CACNA1A: variants seen among roughly 807,000 people sequenced by gnomAD.
The protein encoded by CACNA1A is calcium voltage-gated channel subunit alpha1 A.
CACNA1A carries 57 observed loss-of-function variants against 262.4 expected under a neutral mutation model. The ratio of observed to expected loss-of-function variants is 0.22; its 90% confidence interval spans 0.18 to 0.27. The LOEUF (loss-of-function observed/expected upper bound fraction) is 0.27. Ranked by LOEUF, CACNA1A falls within the 10% of genes least tolerant of loss-of-function variation. The pLI is 1.00. For missense variants in CACNA1A, 2,526 were observed against 3,562.8 expected (o/e 0.71, Z 7.41); for synonymous variants, 1,431 against 1,419.3 (o/e 1.01, Z -0.18).
At chr19:13,504,752 C>A (rs1048724200) in intron 1 of CACNA1A, among the ~76,000 whole-genome samples, 2 of 152,138 alleles carry the variant, frequency 1.3e-5, no homozygotes, top group Admixed American at 1.3e-4. Context: ...CAGGGTGTGT[C>A]CCCCCTCCTG....
intron 6 of CACNA1A, among the ~76,000 whole-genome samples, chr19:13,339,384 G>A (rs764306180): frequency 6.6e-6 from 1 of 152,144 alleles, no homozygotes; most frequent in Admixed American, 6.5e-5. Context: ...AGGGGGAACA[G>A]GGAGTTCGCG....
rs1168120642 is a variant in CACNA1A, at chr19:13,212,249, T to A, written c.6190-33A>T. ...GCAGATGGCAAAGCCAGATGAGCTCTGGGGCCTGACCTCCAGATCCCTGGT... is the reference window on the plus strand; with the variant it reads ...GCAGATGGCAAAGCCAGATGAGCTCAGGGGCCTGACCTCCAGATCCCTGGT... On this transcript the variant is annotated intron_variant, in intron 42 of 46. Coordinates refer to ENST00000360228, the MANE Select transcript of CACNA1A (RefSeq NM_001127222.2). The surrounding 1 kb of genome is among the most constrained non-coding windows in gnomAD (Gnocchi z 5.6). The A allele has an allele frequency of 6.2e-7, 1 of 1,601,724 alleles. No homozygotes were observed. Among genetic ancestry groups the A allele is most frequent in the Non-Finnish European group, 8.5e-7 (1 of 1,169,598 alleles).
intron 1 of CACNA1A, among the ~76,000 whole-genome samples, chr19:13,474,135 C>G (rs765968839): frequency 6.6e-6 from 1 of 152,156 alleles, no homozygotes; most frequent in Non-Finnish European, 1.5e-5. Context: ...GGCAGCAGTC[C>G]CAGGAGCTTA....
intron 46 of CACNA1A, 129 bp from the exon 47 acceptor site, chr19:13,208,182 G>A: frequency 1.2e-5 from 1 of 83,580 alleles, no homozygotes. Flanking sequence ...GGGGGAGGGG[G>A]AGGAGGAGGA....
intron 3 of CACNA1A, among the ~76,000 whole-genome samples, chr19:13,448,644 T>A (rs1017248234): frequency 1.3e-5 from 2 of 152,208 alleles, no homozygotes; most frequent in Admixed American, 1.3e-4. Flanking sequence ...TGGCAATACC[T>A]AGTGGGGCTG....
At chr19:13,480,962 C>G (rs1363300943) in intron 1 of CACNA1A, among the ~76,000 whole-genome samples, 4 of 152,012 alleles carry the variant, frequency 2.6e-5, no homozygotes, top group Non-Finnish European at 4.4e-5. Flanking sequence ...CCGTGGACTC[C>G]GAATCTAGAT....
At chr19:13,470,120 G>A (rs1188792302) in intron 1 of CACNA1A, among the ~76,000 whole-genome samples, 1 of 152,064 alleles carries the variant, frequency 6.6e-6, no homozygotes, top group Non-Finnish European at 1.5e-5. Flanking sequence ...TGGTATAATG[G>A]ATGGGAATGA....
intron 3 of CACNA1A, among the ~76,000 whole-genome samples, chr19:13,433,627 T>C (rs1431611334): frequency 6.6e-6 from 1 of 151,808 alleles, no homozygotes; most frequent in Admixed American, 6.6e-5. Context: ...TGGGCTTTGG[T>C]GTCTCATCTG....
Position 13,331,313 on chromosome 19 carries a change from C to T in CACNA1A, c.1256-980G>A, listed in dbSNP as rs186045197. Among the ~76,000 whole-genome samples the T allele has an allele frequency of 1.1e-3, 160 of 151,900 alleles. 3 individuals carry two copies. The highest frequency in any genetic ancestry group is 5.9e-3 in the Admixed American group (90 of 15,274). On this transcript the variant is annotated intron_variant, in intron 9 of 46. Transcript: ENST00000360228. ...GTGCAGTGGTGTGATCTCGGCTCAC[C>T]GCAACTTCCGTCTCCCAGGTTCAAG...
chr19:13,374,635 T>G (rs2059375330), intron 3 of CACNA1A, among the ~76,000 whole-genome samples: 1 of 152,196 alleles, frequency 6.6e-6, no homozygotes, highest in South Asian at 2.1e-4. Context: ...AATTCTGACT[T>G]AGAGATCACT....
intron 1 of CACNA1A, among the ~76,000 whole-genome samples, chr19:13,488,771 A>G (rs1456725127): frequency 6.6e-6 from 1 of 151,918 alleles, no homozygotes; most frequent in Non-Finnish European, 1.5e-5. Flanking sequence ...ACTGAAGAGC[A>G]GATTGGGATT....
At chr19:13,468,812 C>CT (rs1461557690) in intron 1 of CACNA1A, among the ~76,000 whole-genome samples, 1 of 151,944 alleles carries the variant, frequency 6.6e-6, no homozygotes. Context: ...AATAAAAAAC[C>CT]TTTAACCTGG....
chr19:13,328,273 GA>G (rs1463728864), intron 10 of CACNA1A, among the ~76,000 whole-genome samples: 1 of 152,198 alleles, frequency 6.6e-6, no homozygotes, highest in Non-Finnish European at 1.5e-5. Flanking sequence ...AAATACTCAA[GA>G]CACCTACTGA....
chr19:13,262,708 C>T (rs188130063), intron 25 of CACNA1A, 26 bp downstream of exon 25: 24 of 1,459,396 alleles, frequency 1.6e-5, no homozygotes, highest in African/African-American at 1.3e-4. Flanking sequence ...TCCCCCCCAC[C>T]GCACCCCACC....
intron 1 of CACNA1A, among the ~76,000 whole-genome samples, chr19:13,483,617 G>T (rs1046253289): frequency 2.0e-5 from 3 of 152,132 alleles, no homozygotes; most frequent in African/African-American, 7.2e-5. Context: ...CTCTGAATAT[G>T]GTCTTGGGCA....
chr19:13,229,838 A>G (rs78371993), intron 36 of CACNA1A: 4 of 412,506 alleles, frequency 9.7e-6, no homozygotes, highest in East Asian at 7.3e-5. Flanking sequence ...AGGACATCTC[A>G]TGGTTGACGC....
chr19:13,303,728 G>A, intron 16 of CACNA1A, 39 bp downstream of exon 16: 1 of 1,568,056 alleles, frequency 6.4e-7, no homozygotes, highest in Non-Finnish European at 8.8e-7. Context: ...TCTGCCAGAG[G>A]TCCAGGCCTG....
chr19:13,280,431 A>T (rs2144855932), intron 22 of CACNA1A, among the ~76,000 whole-genome samples: 1 of 150,764 alleles, frequency 6.6e-6, no homozygotes, highest in South Asian at 2.1e-4. Flanking sequence ...GGCCTCAAGC[A>T]TTGCTCCCAC....
At chr19:13,209,804 G>T (rs2054736540) in intron 44 of CACNA1A, among the ~76,000 whole-genome samples, 2 of 152,154 alleles carry the variant, frequency 1.3e-5, no homozygotes, top group Admixed American at 6.5e-5. Flanking sequence ...AGTCCTGGGG[G>T]CCCAGCCACA....
Sources: gnomAD v4.1 joint callset for allele counts (sites outside exome capture counted in the v4.1 genomes callset) on GRCh38, gnomAD v4.1.1 for gene constraint, Gnocchi (gnomAD v3.1) non-coding constraint, MANE v1.5 for transcripts, NCBI Gene and HGNC (gene_info 2026-07-23, HGNC 2026-07-21) for gene names.